Variants in VPS28 observed in about 807,000 individuals in gnomAD.
VPS28 encodes the protein vacuolar protein sorting-associated protein 28 homolog.
Under a neutral mutation model 33.7 loss-of-function variants are expected in VPS28, and 29 were observed. The ratio of observed to expected loss-of-function variants is 0.86; its 90% CI spans 0.64 to 1.17. The LOEUF is 1.17. Ranked by LOEUF, VPS28 falls within the 50% of genes most tolerant of loss-of-function variation. The pLI is 0.00. For missense variants in VPS28, 247 were observed against 312.2 expected, an observed-to-expected ratio of 0.79 and a Z score of 1.57; for synonymous variants, 164 against 116.7, an observed-to-expected ratio of 1.40 and a Z score of -2.61.
At chr8:144,425,115 C>A in intron 5 of VPS28, 64 bp from the exon 6 acceptor site, 3 of 1,459,542 alleles carry the variant, frequency 2.1e-6, no homozygotes, top group East Asian at 4.9e-5. Context: ...CCTACCCCCT[C>A]GGCTGGTCCA....
chr8:144,424,699 C>G lies in VPS28; in HGVS notation c.402+19G>C, dbSNP rs781973764. The G allele has an allele frequency of 2.5e-6, 4 of 1,607,904 alleles. No homozygotes were observed. In the Admixed American group the frequency reaches 6.7e-5, roughly 27 times the overall value. On this transcript the variant is annotated intron_variant, in intron 7 of 9. Coordinates refer to ENST00000292510, the MANE Select transcript of VPS28 (RefSeq NM_016208.4). ...AGCCTCGGCTCTCCTAACCACGTGC[C>G]CTGGGGGCTGGGGCGCACCGAGACC... is the stretch of plus-strand genomic sequence containing the variant.
At chr8:144,425,205 T>C in intron 5 of VPS28, 154 bp from the exon 6 acceptor site, 1 of 669,340 alleles carries the variant, frequency 1.5e-6, no homozygotes, top group Non-Finnish European at 2.6e-6. Flanking sequence ...TAGTAGCTTT[T>C]GGGGGTGAGG....
At chr8:144,426,325 GC>G in intron 2 of VPS28, 117 bp from the exon 3 acceptor site, 1 of 1,357,318 alleles carries the variant, frequency 7.4e-7, no homozygotes, top group Non-Finnish European at 9.7e-7. Context: ...GTCCCAAAGA[GC>G]CCAGAGGGAG....
In VPS28 at chr8:144,426,008, C is replaced by T. The variant is rs1554876629; in HGVS notation, c.104+18G>A. ...ATGCGCATGGGTGTGTTGGGACAGC[C>T]TGGGCGCCTGGACTTACTTCTCCCT... On this transcript the variant is annotated intron_variant, in intron 4 of 9. Transcript: ENST00000292510. The T allele has an allele frequency of 1.3e-6, 2 of 1,502,686 alleles. No individual in the cohort carries two copies. The allele number at this position is 1,502,686 out of a possible 1,614,324, so 93.1% of individuals were successfully genotyped here.
At chr8:144,426,311 C>A in intron 2 of VPS28, 103 bp from the exon 3 acceptor site, 1 of 1,421,086 alleles carries the variant, frequency 7.0e-7, no homozygotes. Flanking sequence ...GCCTCCCAGG[C>A]TGGGTCCCAA....
intron 2 of VPS28, chr8:144,426,456 C>T (rs1822751552): frequency 3.9e-6 from 2 of 507,414 alleles, no homozygotes; most frequent in Non-Finnish European, 6.9e-6. Flanking sequence ...TGCGGCTCCC[C>T]GGGGGACCGC....
intron 1 of VPS28, among the ~76,000 whole-genome samples, chr8:144,428,139 T>TC (rs1203227525): frequency 6.6e-6 from 1 of 151,818 alleles, no homozygotes; most frequent in Non-Finnish European, 1.5e-5. Context: ...GGTCAAGCTC[T>TC]CCGAGGGTCG....
Position 144,423,874 on chromosome 8 carries a change from T to G in VPS28, c.597A>C (p.Ser199=), listed in dbSNP as rs782403965. The G allele has an allele frequency of 1.9e-6, 3 of 1,613,106 alleles. No individual in the cohort carries two copies. In the South Asian group the frequency reaches 3.3e-5, roughly 18 times the overall value. ...GMSASDELDD[S]QVRQMLFDLE... is the part of the protein sequence containing the mutation. ...GGTCGAACAGCATCTGACGCACCTG[T>G]GAGTCGTCCAGCTCATCTGACGCCG... Residue 199 remains serine, a synonymous_variant, in exon 10 of 10, where the codon TCA becomes TCC. Coordinates refer to ENST00000292510, the MANE Select transcript of VPS28 (RefSeq NM_016208.4).
chr8:144,424,968 T>C lies in VPS28; in HGVS notation c.278A>G (p.Asp93Gly), dbSNP rs1554876326. Residue 93 changes from aspartate to glycine, a missense_variant, in exon 6 of 10, where the codon GAC becomes GGC. Transcript: ENST00000292510. ...CACGCGGAACTTGCGGCAGAATTCG[T>C]CAATAGAGCTGATTTCTGAGCCCTG... ...QVQGSEISSIDEFCRKFRLDC... is the reference protein window; with the variant it reads ...QVQGSEISSIGEFCRKFRLDC... The C allele has an allele frequency of 6.4e-7, 1 of 1,567,136 alleles. No individual in the cohort carries two copies. Among genetic ancestry groups the C allele is most frequent in the Admixed American group, 1.9e-5 (1 of 52,170 alleles).
Position 144,424,287 on chromosome 8 carries a change from A to G in VPS28, c.403-19T>C, listed in dbSNP as rs1554876095. ...TGAAGAGCTGGGGGCAGGTGTGCAC[A>G]TGAGGCTCGCGTGTCCACGGGTGCG... On this transcript the variant is annotated intron_variant, in intron 7 of 9. Transcript: ENST00000292510. 2.2e-5 allele frequency: 35 copies of G among 1,581,280 alleles called. No individual in the cohort carries two copies. The highest frequency in any genetic ancestry group is 9.0e-5 in the Admixed American group (5 of 55,724).
In VPS28 at chr8:144,423,727, C is replaced by T. The variant is rs1822522123; in HGVS notation, c.*78G>A. On this transcript the variant is annotated 3_prime_UTR_variant, in exon 10 of 10. Transcript: ENST00000292510. Reference sequence around the variant, plus strand: ...AGACAGTGAGTTGTGTGGATGACCACGGCCTGTGTGGCGGACAGGGGACCA... The same window carrying T: ...AGACAGTGAGTTGTGTGGATGACCATGGCCTGTGTGGCGGACAGGGGACCA... The T allele has an allele frequency of 4.5e-6, 7 of 1,567,986 alleles. No homozygotes were observed. The highest frequency in any genetic ancestry group is 3.4e-5 in the South Asian group (3 of 88,366).
intron 7 of VPS28, 99 bp from the exon 8 acceptor site, chr8:144,424,367 G>T (rs1410001838): frequency 1.4e-6 from 2 of 1,452,034 alleles, no homozygotes; most frequent in Non-Finnish European, 1.8e-6. Flanking sequence ...CTGTCACTTG[G>T]GCCTCCTCAC....
In VPS28 at chr8:144,423,798, C is replaced by CCCGG; in HGVS notation, c.*3_*6dup. On this transcript the variant is annotated 3_prime_UTR_variant, in exon 10 of 10. Transcript: ENST00000292510. ...TGCCCTTCTGTGCAAGGGCTAGTGC[C>CCCGG]CCGGGCTCAGGCATGCAGGAAGCGG... 6.2e-7 allele frequency: 1 copy of CCCGG among 1,613,112 alleles called. No homozygotes were observed. The highest frequency in any genetic ancestry group is 1.1e-5 in the South Asian group (1 of 91,082).
chr8:144,423,954 G>A (rs782103607), intron 9 of VPS28, 32 bp from the exon 10 acceptor site: 50 of 1,612,756 alleles, frequency 3.1e-5, no homozygotes, highest in Non-Finnish European at 3.6e-5. Context: ...TGTGGGGGCT[G>A]AGGGCCTCAG....
At chr8:144,428,149 G>A (rs943211865) in intron 1 of VPS28, among the ~76,000 whole-genome samples, 7 of 152,168 alleles carry the variant, frequency 4.6e-5, no homozygotes, top group Admixed American at 2.6e-4. Context: ...TCCGAGGGTC[G>A]AGGCCATTGC....
chr8:144,425,217 C>G, intron 5 of VPS28, 166 bp from the exon 6 acceptor site: 1 of 637,434 alleles, frequency 1.6e-6, no homozygotes, highest in Non-Finnish European at 2.7e-6. Context: ...GGGGTGAGGC[C>G]CTGAGCACGT....
intron 1 of VPS28, 145 bp downstream of exon 1, chr8:144,428,342 CCA>C: frequency 6.6e-6 from 1 of 152,406 alleles, no homozygotes; most frequent in East Asian, 1.9e-4. Context: ...GCAAGGAAAG[CCA>C]GTTTCTAGAA....
At chr8:144,427,647 C>A (rs1822871154) in intron 1 of VPS28, among the ~76,000 whole-genome samples, 1 of 152,194 alleles carries the variant, frequency 6.6e-6, no homozygotes, top group East Asian at 1.9e-4. Flanking sequence ...GAAGGTGCAG[C>A]TTCTCGAAAG....
intron 2 of VPS28, 176 bp from the exon 3 acceptor site, chr8:144,426,384 C>T (rs1822746087): frequency 3.7e-6 from 3 of 811,084 alleles, no homozygotes; most frequent in East Asian, 5.9e-5. Flanking sequence ...TGTGGGGGGA[C>T]CTGATGATAA....
Sources: gnomAD v4.1 joint callset for allele counts (sites outside exome capture counted in the v4.1 genomes callset) on GRCh38, gnomAD v4.1.1 for gene constraint, MANE v1.5 for transcripts, NCBI Gene and HGNC (gene_info 2026-07-23, HGNC 2026-07-21) for gene names.